KAT2B: variants seen among roughly 807,000 people sequenced by gnomAD.
The protein encoded by KAT2B is lysine acetyltransferase 2B.
Under a neutral mutation model 105.9 loss-of-function variants are expected in KAT2B, and 36 were observed. That is an observed-to-expected ratio of 0.34 (90% CI 0.26 to 0.45). The LOEUF (loss-of-function observed/expected upper bound fraction) is 0.45, where lower values mean the gene tolerates loss of function less well. Among genes scored for constraint, KAT2B ranks in the 20% least tolerant of loss-of-function variants. KAT2B has a pLI of 1.00. For missense variants in KAT2B, 820 were observed against 1,021.6 expected (o/e 0.80, Z 2.69); for synonymous variants, 397 against 377.9 (o/e 1.05, Z -0.59).
rs201390030 is a variant in KAT2B at position 20,130,678 on chromosome 3, T to TC, written c.1749+3136dup. On this transcript the variant is annotated intron_variant, in intron 11 of 17. Coordinates refer to ENST00000263754, the MANE Select transcript of KAT2B (RefSeq NM_003884.5). Reference sequence around the variant, plus strand: ...TCTTATTACTTCCCAGAAAGGCAATTCCCCCCCATAACCATGTAATTTTCT... The same window carrying TC: ...TCTTATTACTTCCCAGAAAGGCAATTCCCCCCCCATAACCATGTAATTTTCT... Among the ~76,000 whole-genome samples, 669 of 152,060 alleles carry TC rather than the reference T, an allele frequency of 4.4e-3. 3 individuals are homozygous for TC. Among genetic ancestry groups the TC allele is most frequent in the Non-Finnish European group, 7.3e-3 (496 of 67,986 alleles).
At chr3:20,144,849 G>A (rs559471468) in intron 13 of KAT2B, among the ~76,000 whole-genome samples, 3 of 151,474 alleles carry the variant, frequency 2.0e-5, no homozygotes, top group African/African-American at 7.3e-5. Context: ...AGACTGGAGT[G>A]CAATGGCACA....
intron 1 of KAT2B, among the ~76,000 whole-genome samples, chr3:20,054,855 G>C (rs180931884): frequency 3.2e-4 from 48 of 152,310 alleles, no homozygotes; most frequent in Non-Finnish European, 1.5e-5. Context: ...ATCCCACCTC[G>C]AAAGGAACAC....
chr3:20,081,873 TG>T (rs1293639997), intron 2 of KAT2B, among the ~76,000 whole-genome samples: 5 of 87,394 alleles, frequency 5.7e-5, no homozygotes, highest in Non-Finnish European at 1.0e-4. Flanking sequence ...TTGCTGTCAT[TG>T]GCTCATATAT....
Position 20,148,312 on chromosome 3 carries a change from T to C in KAT2B, c.2220+6T>C. The C allele has an allele frequency of 6.2e-7, 1 of 1,613,392 alleles. No individual in the cohort carries two copies. Among genetic ancestry groups the C allele is most frequent in the Non-Finnish European group, 8.5e-7 (1 of 1,179,330 alleles). Reference sequence around the variant, plus strand: ...GCATCCTCCAGCAGGTGAAGGTGGGTGTCCTCTTTATTCACCTCATGCAAA... The same window carrying C: ...GCATCCTCCAGCAGGTGAAGGTGGGCGTCCTCTTTATTCACCTCATGCAAA... On this transcript the variant is annotated splice_donor_region_variant and intron_variant, in intron 16 of 17. Coordinates refer to ENST00000263754, the MANE Select transcript of KAT2B (RefSeq NM_003884.5).
chr3:20,062,245 A>AATAAAAAT (rs1559514385), intron 1 of KAT2B, among the ~76,000 whole-genome samples: 1 of 26,564 alleles, frequency 3.8e-5, no homozygotes, highest in African/African-American at 1.7e-4. Flanking sequence ...TAAAATATAT[A>AATAAAAAT]ATATATAAAA....
At chr3:20,046,807 C>T (rs1313261129) in intron 1 of KAT2B, among the ~76,000 whole-genome samples, 1 of 151,996 alleles carries the variant, frequency 6.6e-6, no homozygotes, top group Admixed American at 6.6e-5. Context: ...TGGCTCTCAC[C>T]CAGGAGCTAT....
intron 3 of KAT2B, among the ~76,000 whole-genome samples, chr3:20,098,661 C>A (rs138170314): frequency 6.6e-6 from 1 of 152,072 alleles, no homozygotes; most frequent in Admixed American, 6.6e-5. Context: ...CTTATTTTAA[C>A]TGGGGAAAAA....
At chr3:20,123,449 T>G (rs1699347758) in intron 9 of KAT2B, among the ~76,000 whole-genome samples, 1 of 152,214 alleles carries the variant, frequency 6.6e-6, no homozygotes, top group African/African-American at 2.4e-5. Context: ...TAAAGTTTTA[T>G]TGAAACATAT....
At chr3:20,056,653 G>T (rs1698008875) in intron 1 of KAT2B, among the ~76,000 whole-genome samples, 1 of 152,194 alleles carries the variant, frequency 6.6e-6, no homozygotes, top group African/African-American at 2.4e-5. Flanking sequence ...GGGACATAGG[G>T]TCTGCTAGGT....
In KAT2B at chr3:20,044,483, C is replaced by A. The variant is rs993528944; in HGVS notation, c.303+3703C>A. 4.6e-5 allele frequency among the ~76,000 whole-genome samples: 7 copies of A among 152,006 alleles called. No homozygotes were observed. The South Asian group carries it at 6.2e-4, about 14-fold the overall frequency. ...CCATGTTATACCCACACTTCAGGCCCTTTAATTTCTCTTTATTGTGGTCCA... is the reference window on the plus strand; with the variant it reads ...CCATGTTATACCCACACTTCAGGCCATTTAATTTCTCTTTATTGTGGTCCA... On this transcript the variant is annotated intron_variant, in intron 1 of 17. Transcript: ENST00000263754.
At chr3:20,091,598 T>A (rs1436586133) in intron 2 of KAT2B, among the ~76,000 whole-genome samples, 2 of 152,158 alleles carry the variant, frequency 1.3e-5, no homozygotes, top group Non-Finnish European at 2.9e-5. Flanking sequence ...TCATTTGAGA[T>A]CTTTTTTCTT....
chr3:20,055,877 T>G (rs1697995497), intron 1 of KAT2B, among the ~76,000 whole-genome samples: 1 of 152,198 alleles, frequency 6.6e-6, no homozygotes, highest in African/African-American at 2.4e-5. Flanking sequence ...ATTTAGCTAT[T>G]TTTCATATAA....
At chr3:20,120,440 C>T (rs538848727) in intron 8 of KAT2B, among the ~76,000 whole-genome samples, 4 of 152,136 alleles carry the variant, frequency 2.6e-5, no homozygotes, top group South Asian at 4.2e-4. Context: ...ATTGGTCAGG[C>T]TGGTCTCAAA....
intron 2 of KAT2B, among the ~76,000 whole-genome samples, chr3:20,084,509 C>T (rs1395246496): frequency 6.6e-6 from 1 of 152,114 alleles, no homozygotes; most frequent in African/African-American, 2.4e-5. Flanking sequence ...CTCCATCTCC[C>T]TATTCCTTTC....
intron 2 of KAT2B, among the ~76,000 whole-genome samples, chr3:20,086,306 G>A (rs1240781629): frequency 6.7e-6 from 1 of 149,906 alleles, no homozygotes; most frequent in Non-Finnish European, 1.5e-5. Context: ...AGAAAAACAA[G>A]CTGTATTGGA....
chr3:20,062,014 T>TAAA (rs1559513946), intron 1 of KAT2B, among the ~76,000 whole-genome samples: 4 of 93,452 alleles, frequency 4.3e-5, no homozygotes, highest in African/African-American at 1.7e-4. Context: ...TAATATATAT[T>TAAA]ATATATAAAA....
At chr3:20,067,138 A>G (rs145828732) in intron 1 of KAT2B, among the ~76,000 whole-genome samples, 144 of 152,304 alleles carry the variant, frequency 9.5e-4, no homozygotes, top group Middle Eastern at 3.4e-3. Context: ...ATTATGAACA[A>G]AAGAAATAAA....
At chr3:20,131,494 C>T (rs1432645022) in intron 11 of KAT2B, among the ~76,000 whole-genome samples, 1 of 152,180 alleles carries the variant, frequency 6.6e-6, no homozygotes, top group Non-Finnish European at 1.5e-5. Flanking sequence ...TGGAGTAAAA[C>T]TGAATGGGTC....
chr3:20,146,572 G>T, intron 14 of KAT2B, 142 bp downstream of exon 14: 1 of 581,366 alleles, frequency 1.7e-6, no homozygotes. Flanking sequence ...TAAGAAGGCA[G>T]CAAATGTTAC....
Sources: allele counts gnomAD v4.1 joint callset (sites outside exome capture counted in the v4.1 genomes callset), GRCh38; gene constraint gnomAD v4.1.1; transcripts MANE v1.5; gene names NCBI Gene and HGNC (gene_info 2026-07-23, HGNC 2026-07-21).